Variants in CTDSP2 observed in about 807,000 individuals in gnomAD.
The protein encoded by CTDSP2 is carboxy-terminal domain RNA polymerase II polypeptide A small phosphatase 2.
In CTDSP2, 9 loss-of-function variants were observed where a neutral mutation model predicts 31.6. That is an observed-to-expected ratio of 0.28 (90% CI 0.17 to 0.50). CTDSP2 has a LOEUF of 0.50. Among genes scored for constraint, CTDSP2 ranks in the 20% least tolerant of loss-of-function variants. CTDSP2 has a pLI of 0.98. For missense variants in CTDSP2, 267 were observed against 348.5 expected (o/e 0.77, Z 1.86); for synonymous variants, 134 against 134.5 (o/e 1.00, Z 0.03).
rs1018636554 is a variant in CTDSP2, at chr12:57,821,941, A to G, written c.*1661T>C. 1 of 152,246 alleles carries G rather than the reference A, an allele frequency of 6.6e-6. No individual in the cohort carries two copies. Among genetic ancestry groups the G allele is most frequent in the African/African-American group, 2.4e-5 (1 of 41,450 alleles). The allele number at this position is 152,246 out of a possible 1,614,324, so 9.4% of individuals were successfully genotyped here. A position where few individuals can be genotyped will look rare whatever the true frequency, so the allele number is the denominator to read the frequency against. On this transcript the variant is annotated 3_prime_UTR_variant, in exon 8 of 8. Transcript: ENST00000398073. ...TGCTCTACTACCTGCTTTTCTCAAA[A>G]CTTGTTAGTTCCTGAGGCTGGATCT...
Position 57,846,463 on chromosome 12 carries a change from TGGGCGGGAGGAC to T in CTDSP2, c.-40_-29del, listed in dbSNP as rs1489942302. 4 of 1,548,782 alleles carry T rather than the reference TGGGCGGGAGGAC, an allele frequency of 2.6e-6. No homozygotes were observed. Among genetic ancestry groups the T allele is most frequent in the Non-Finnish European group, 3.5e-6 (4 of 1,148,000 alleles). On this transcript the variant is annotated 5_prime_UTR_variant, in exon 1 of 8. Transcript: ENST00000398073. ...AACAATCCCGCGGGCCCGGGCTGGCTGGGCGGGAGGACGGGCGGGCGCGCGGGCTGGGCTGGG... is the reference window on the plus strand; with the variant it reads ...AACAATCCCGCGGGCCCGGGCTGGCTGGGCGGGCGCGCGGGCTGGGCTGGG...
In CTDSP2 at chr12:57,823,732, TG is replaced by T. The variant is rs1307628389; in HGVS notation, c.691-6del. The T allele has an allele frequency of 6.2e-7, 1 of 1,613,748 alleles. No homozygotes were observed. On this transcript the variant is annotated splice_polypyrimidine_tract_variant and splice_region_variant and intron_variant, in intron 7 of 7. Coordinates refer to ENST00000398073, the MANE Select transcript of CTDSP2 (RefSeq NM_005730.4). ...AAACCAGGACTGCACAGGCACCTGG[TG>T]GGGGGAAGATGTGGTGTCAATCTCC...
At chr12:57,828,421 CAAA>C (rs1189073935) in intron 2 of CTDSP2, among the ~76,000 whole-genome samples, 6 of 63,154 alleles carry the variant, frequency 9.5e-5, no homozygotes, top group Admixed American at 1.8e-4. Context: ...AACTCCATCT[CAAA>C]AAAAAAAAAA....
chr12:57,830,719 C>T (rs375186403), intron 1 of CTDSP2, among the ~76,000 whole-genome samples: 3 of 152,066 alleles, frequency 2.0e-5, no homozygotes, highest in Admixed American at 6.6e-5. Flanking sequence ...ATCATTTGGG[C>T]GGTGGAAACA....
rs1208018796 is a variant in CTDSP2 at position 57,822,540 on chromosome 12, G to A, written c.*1062C>T. ...TGGGGGAAGACACAACAGGAAAAGA[G>A]CCCTGCCCAAGAAATGGGAGGGGCT... On this transcript the variant is annotated 3_prime_UTR_variant, in exon 8 of 8. Coordinates refer to ENST00000398073, the MANE Select transcript of CTDSP2 (RefSeq NM_005730.4). 2 of 152,350 alleles carry A rather than the reference G, an allele frequency of 1.3e-5. No homozygotes were observed. 9.4% of individuals were successfully genotyped at this position (152,350 alleles called of 1,614,324 possible).
Position 57,824,502 on chromosome 12 carries a change from C to CCT in CTDSP2, c.412-185_412-184dup, listed in dbSNP as rs1956170456. 3 of 664,104 alleles carry CCT rather than the reference C, an allele frequency of 4.5e-6. No homozygotes were observed. In the South Asian group the frequency reaches 4.8e-5, roughly 11 times the overall value. The allele number at this position is 664,104 out of a possible 1,614,324, so 41.1% of individuals were successfully genotyped here. On this transcript the variant is annotated intron_variant, in intron 5 of 7. Transcript: ENST00000398073. ...ACAGACCCGGAGAACTGGCTGTACC[C>CCT]CTCACCAGGCTTCCAATGGATCAGT...
At chr12:57,830,958 G>C (rs972557716) in intron 1 of CTDSP2, among the ~76,000 whole-genome samples, 6 of 151,566 alleles carry the variant, frequency 4.0e-5, no homozygotes, top group African/African-American at 1.2e-4. Flanking sequence ...ACGTTGGTCA[G>C]GCTGGTCTTG....
chr12:57,829,304 T>C (rs531175892), intron 2 of CTDSP2, 144 bp downstream of exon 2: 5 of 902,618 alleles, frequency 5.5e-6, no homozygotes, highest in East Asian at 2.4e-5. Flanking sequence ...ACACTACTTA[T>C]GGAAGGATGG....
At chr12:57,826,285 G>T in intron 5 of CTDSP2, 61 bp downstream of exon 5, 1 of 1,497,280 alleles carries the variant, frequency 6.7e-7, no homozygotes, top group East Asian at 2.3e-5. Context: ...CCCCAGTACA[G>T]GTGAGGCAGA....
intron 5 of CTDSP2, among the ~76,000 whole-genome samples, chr12:57,825,835 G>A (rs1956179487): frequency 6.6e-6 from 1 of 152,184 alleles, no homozygotes; most frequent in South Asian, 2.1e-4. Flanking sequence ...GGCTGGGGAG[G>A]AAGAAAGTCA....
At chr12:57,825,607 GC>G (rs1956178123) in intron 5 of CTDSP2, among the ~76,000 whole-genome samples, 1 of 152,246 alleles carries the variant, frequency 6.6e-6, no homozygotes, top group Admixed American at 6.5e-5. Flanking sequence ...GGCATGGCAG[GC>G]CTTCTGGGCA....
chr12:57,843,814 T>C (rs1463121455), intron 1 of CTDSP2, among the ~76,000 whole-genome samples: 2 of 152,290 alleles, frequency 1.3e-5, no homozygotes, highest in African/African-American at 2.4e-5. Flanking sequence ...TGTTTGTAAA[T>C]GATGTGGGAC....
chr12:57,837,189 G>A (rs192924536), intron 1 of CTDSP2: 8 of 152,382 alleles, frequency 5.2e-5, no homozygotes, highest in Non-Finnish European at 1.0e-4. Flanking sequence ...GTGCCAGGTG[G>A]ACGGAAGAGC....
Position 57,831,315 on chromosome 12 carries a change from G to A in CTDSP2, c.65-1719C>T, listed in dbSNP as rs117472926. Among the ~76,000 whole-genome samples, 1,503 of 151,962 alleles carry A rather than the reference G, an allele frequency of 9.9e-3. 8 individuals carry two copies. The highest frequency in any genetic ancestry group is 0.021 in the South Asian group (102 of 4,812). On this transcript the variant is annotated intron_variant, in intron 1 of 7. Coordinates refer to ENST00000398073, the MANE Select transcript of CTDSP2 (RefSeq NM_005730.4). ...TACTAAAAATACAAAACAGCCGTGC[G>A]TGTGGCACGCGCTTGTAATCCCAGC...
intron 1 of CTDSP2, among the ~76,000 whole-genome samples, chr12:57,839,562 C>CA (rs1163949893): frequency 1.3e-5 from 2 of 151,958 alleles, no homozygotes; most frequent in Admixed American, 1.3e-4. Flanking sequence ...ACTAAAAATA[C>CA]AAAAAATTAG....
At chr12:57,834,988 G>A (rs2140480161) in intron 1 of CTDSP2, among the ~76,000 whole-genome samples, 1 of 152,256 alleles carries the variant, frequency 6.6e-6, no homozygotes, top group East Asian at 1.9e-4. Flanking sequence ...CAGGTATGGT[G>A]GCACATGCCT....
At position 57,827,023 on chromosome 12, in the gene CTDSP2, A is replaced by T. The variant is rs1191005064; in HGVS notation, c.327T>A (p.Asp109Glu). ...QGRICVVIDL[D>E]ETLVHSSFKP... ...TAAAGGAGCTATGCACAAGGGTTTCATCGAGGTCAATGACCACACAGATCC... is the reference window on the plus strand; with the variant it reads ...TAAAGGAGCTATGCACAAGGGTTTCTTCGAGGTCAATGACCACACAGATCC... The change falls in exon 4 of 8, where the codon GAT becomes GAA. Residue 109 changes from aspartate to glutamate, a missense_variant. Physicochemically the swap from Asp to Glu is conservative, Grantham distance 45. Transcript: ENST00000398073. 1 of 1,613,708 alleles carries T rather than the reference A, an allele frequency of 6.2e-7. No individual in the cohort carries two copies. The highest frequency in any genetic ancestry group is 2.2e-5 in the East Asian group (1 of 44,890).
intron 1 of CTDSP2, among the ~76,000 whole-genome samples, chr12:57,845,214 C>CG (rs2140487375): frequency 6.8e-6 from 1 of 146,336 alleles, no homozygotes; most frequent in African/African-American, 2.8e-5. Flanking sequence ...CCCCAGCCTC[C>CG]GGGGCCAGGT....
At chr12:57,834,982 T>A (rs1025236597) in intron 1 of CTDSP2, among the ~76,000 whole-genome samples, 1 of 151,738 alleles carries the variant, frequency 6.6e-6, no homozygotes, top group African/African-American at 2.4e-5. Context: ...ATTAGCCAGG[T>A]ATGGTGGCAC....
Sources: allele counts gnomAD v4.1 joint callset (sites outside exome capture counted in the v4.1 genomes callset), GRCh38; gene constraint gnomAD v4.1.1; transcripts MANE v1.5; gene names NCBI Gene and HGNC (gene_info 2026-07-23, HGNC 2026-07-21).